The following SORCS3 variants were observed in gnomAD, a reference collection of about 807,000 sequenced individuals.
The protein encoded by SORCS3 is sortilin related VPS10 domain containing receptor 3, also known as VPS10 domain-containing receptor SorCS3.
In SORCS3, 57 loss-of-function variants were observed where a neutral mutation model predicts 146.3. The observed-to-expected ratio is 0.39, with a 90% CI of 0.31 to 0.49. The LOEUF (loss-of-function observed/expected upper bound fraction) is 0.49. Among genes scored for constraint, SORCS3 ranks in the 20% least tolerant of loss-of-function variants. The pLI is 0.92. For synonymous variants in SORCS3, 653 were observed against 618.5 expected, an observed-to-expected ratio of 1.06 and a Z score of -0.83; for missense variants, 1,341 against 1,575.5, an observed-to-expected ratio of 0.85 and a Z score of 2.52.
intron 3 of SORCS3, among the ~76,000 whole-genome samples, chr10:104,945,583 T>C (rs969537664): frequency 7.0e-6 from 1 of 143,410 alleles, no homozygotes; most frequent in Non-Finnish European, 1.5e-5. Context: ...TTTTTTTTTT[T>C]AATCATGGAA....
intron 1 of SORCS3, among the ~76,000 whole-genome samples, chr10:104,684,515 G>C (rs1447427707): frequency 6.6e-6 from 1 of 152,176 alleles, no homozygotes; most frequent in Non-Finnish European, 1.5e-5. Context: ...TGTAGGTAAG[G>C]CTGACTCCTT....
chr10:105,029,398 C>A (rs2055250234), intron 4 of SORCS3, among the ~76,000 whole-genome samples: 1 of 152,202 alleles, frequency 6.6e-6, no homozygotes, highest in South Asian at 2.1e-4. Context: ...CTCAGTAAAT[C>A]TTCTTTGCTT....
intron 1 of SORCS3, among the ~76,000 whole-genome samples, chr10:104,684,509 G>C (rs1280403086): frequency 6.6e-6 from 1 of 152,200 alleles, no homozygotes; most frequent in Non-Finnish European, 1.5e-5. Context: ...CACAGATGTA[G>C]GTAAGGCTGA....
intron 4 of SORCS3, among the ~76,000 whole-genome samples, chr10:104,986,416 CT>C (rs1554865342): frequency 6.6e-6 from 1 of 152,124 alleles, no homozygotes; most frequent in Non-Finnish European, 1.5e-5. Context: ...CTAAAACTTT[CT>C]TTATATCAGC....
At chr10:104,913,551 A>G (rs2018992195) in intron 2 of SORCS3, among the ~76,000 whole-genome samples, 1 of 152,096 alleles carries the variant, frequency 6.6e-6, no homozygotes. Flanking sequence ...TGAAATATTG[A>G]TATTTGTTTA....
intron 3 of SORCS3, among the ~76,000 whole-genome samples, chr10:104,938,928 G>A (rs995360338): frequency 6.6e-6 from 1 of 152,204 alleles, no homozygotes; most frequent in African/African-American, 2.4e-5. Context: ...GGCCTGTGGA[G>A]GGCTAACTAA....
chr10:104,803,969 A>G (rs1009968772), intron 1 of SORCS3, among the ~76,000 whole-genome samples: 1 of 152,016 alleles, frequency 6.6e-6, no homozygotes, highest in African/African-American at 2.4e-5. Context: ...CTCTTTTACC[A>G]CACAAGACTG....
chr10:104,797,885 A>G lies in SORCS3; in HGVS notation c.628-44907A>G, dbSNP rs1359360894. Among the ~76,000 whole-genome samples, 8 of 152,320 alleles carry G rather than the reference A, an allele frequency of 5.3e-5. No individual in the cohort carries two copies. In the East Asian group the frequency reaches 1.5e-3, roughly 29 times the overall value. On this transcript the variant is annotated intron_variant, in intron 1 of 26. Coordinates refer to ENST00000369701, the MANE Select transcript of SORCS3 (RefSeq NM_014978.3). ...GTGCTGAAAACAAAACAAAATAAAG[A>G]AAAACACATACTCACATGCAGTTTT...
chr10:104,657,198 T>C (rs2015642396), intron 1 of SORCS3, among the ~76,000 whole-genome samples: 1 of 152,110 alleles, frequency 6.6e-6, no homozygotes, highest in Non-Finnish European at 1.5e-5. Flanking sequence ...TACATAGCCA[T>C]TCCCAGCCAA....
chr10:105,110,312 T>C (rs1298598149), intron 7 of SORCS3, among the ~76,000 whole-genome samples: 1 of 152,120 alleles, frequency 6.6e-6, no homozygotes, highest in South Asian at 2.1e-4. Context: ...TCATACAGGT[T>C]ATTTTAAATT....
intron 2 of SORCS3, among the ~76,000 whole-genome samples, chr10:104,860,157 T>C (rs2018384034): frequency 8.6e-6 from 1 of 116,852 alleles, no homozygotes; most frequent in Non-Finnish European, 1.8e-5. Flanking sequence ...TAGCAAAGAC[T>C]TGGAACCAAC....
At chr10:104,822,202 C>T in intron 1 of SORCS3, 1 of 440,786 alleles carries the variant, frequency 2.3e-6, no homozygotes, top group South Asian at 1.7e-5. Context: ...AATTCCCAAG[C>T]ACACGTTGTC....
At chr10:104,811,689 T>C (rs1290490838) in intron 1 of SORCS3, among the ~76,000 whole-genome samples, 1 of 152,152 alleles carries the variant, frequency 6.6e-6, no homozygotes, top group African/African-American at 2.4e-5. Context: ...GAGAGGTTCA[T>C]ACGCAGGGAG....
chr10:105,132,037 A>G (rs1364477662), intron 7 of SORCS3, among the ~76,000 whole-genome samples: 1 of 152,090 alleles, frequency 6.6e-6, no homozygotes, highest in African/African-American at 2.4e-5. Context: ...CATGGGACCC[A>G]TTCCCCTCCA....
At chr10:105,211,645 A>G (rs2056634827) in intron 17 of SORCS3, among the ~76,000 whole-genome samples, 2 of 152,234 alleles carry the variant, frequency 1.3e-5, no homozygotes, top group South Asian at 4.1e-4. Context: ...CTGAAAACTT[A>G]AAATGAAAAT....
chr10:104,707,297 A>C (rs2016347321), intron 1 of SORCS3, among the ~76,000 whole-genome samples: 2 of 152,216 alleles, frequency 1.3e-5, no homozygotes, highest in South Asian at 2.1e-4. Context: ...AGCTGGTATG[A>C]TAATTAGATT....
chr10:104,933,647 G>A lies in SORCS3; in HGVS notation c.795+17715G>A, dbSNP rs557424131. On this transcript the variant is annotated intron_variant, in intron 3 of 26. Coordinates refer to ENST00000369701, the MANE Select transcript of SORCS3 (RefSeq NM_014978.3). ...CAACGCCTGCTGCACTGCCTTATAA[G>A]GTTCATTTGAGAATCAAGTGACACG... Among the ~76,000 whole-genome samples, 6 of 152,278 alleles carry A rather than the reference G, an allele frequency of 3.9e-5. No individual in the cohort carries two copies. The East Asian group carries it at 1.2e-3, about 29-fold the overall frequency.
chr10:104,642,022 G>GGGGGGGGGGCGCCCC, intron 1 of SORCS3, 68 bp downstream of exon 1: 3 of 173,336 alleles, frequency 1.7e-5, no homozygotes, highest in East Asian at 1.5e-4. Flanking sequence ...GGGTGGGTGG[G>GGGGGGGGGGCGCCCC]AGCGAGGGAC....
At chr10:105,232,225 T>C (rs999338387) in intron 20 of SORCS3, among the ~76,000 whole-genome samples, 11 of 152,254 alleles carry the variant, frequency 7.2e-5, no homozygotes, top group Admixed American at 6.5e-4. Context: ...TTAATAGATA[T>C]AGTTCTATTC....
Sources: allele counts gnomAD v4.1 joint callset (sites outside exome capture counted in the v4.1 genomes callset), GRCh38; gene constraint gnomAD v4.1.1; transcripts MANE v1.5; gene names NCBI Gene and HGNC (gene_info 2026-07-23, HGNC 2026-07-21).